Variants in PDE4D observed in about 807,000 individuals in gnomAD.
The protein encoded by PDE4D is phosphodiesterase 4D, also known as 3',5'-cyclic-AMP phosphodiesterase 4D.
PDE4D carries 24 observed loss-of-function variants against 87.4 expected under a neutral mutation model. The ratio of observed to expected loss-of-function variants is 0.27; its 90% CI spans 0.20 to 0.39. The LOEUF (loss-of-function observed/expected upper bound fraction) is 0.39, where lower values mean the gene tolerates loss of function less well. PDE4D is among the 10% of genes least tolerant of loss of function. PDE4D has a pLI of 1.00. For missense variants in PDE4D, 714 were observed against 1,041.0 expected (o/e 0.69, Z 4.32); for synonymous variants, 384 against 383.2 (o/e 1.00, Z -0.02).
At chr5:59,713,428 A>C (rs1235471434) in intron 1 of PDE4D, among the ~76,000 whole-genome samples, 1 of 152,176 alleles carries the variant, frequency 6.6e-6, no homozygotes, top group Non-Finnish European at 1.5e-5. Flanking sequence ...AAAAGGTATA[A>C]CTACCGGACT....
At chr5:60,031,050 A>G (rs868341134) in intron 2 of PDE4D, 1 of 152,234 alleles carries the variant, frequency 6.6e-6, no homozygotes, top group Non-Finnish European at 1.5e-5. Flanking sequence ...TAGATATAGA[A>G]TAATGTAGGA....
chr5:59,639,570 T>C (rs1374404558), intron 1 of PDE4D, among the ~76,000 whole-genome samples: 2 of 152,088 alleles, frequency 1.3e-5, no homozygotes, highest in Non-Finnish European at 2.9e-5. Flanking sequence ...GAGAGAAAAG[T>C]CACGGGTGGC....
rs1780612854 is a variant in PDE4D at position 60,142,407 on chromosome 5, TTAAG to T, written c.42+43146_42+43149del. On this transcript the variant is annotated intron_variant, in intron 2 of 16. Transcript: ENST00000502484. ...ATAAAAGAACAGAGGCTCAGAAAGA[TTAAG>T]TGACTCTGGGGAAATATTTTTAAAA... Among the ~76,000 whole-genome samples the T allele has an allele frequency of 2.6e-5, 4 of 152,298 alleles. No homozygotes were observed. In the South Asian group the frequency reaches 8.3e-4, roughly 32 times the overall value.
intron 2 of PDE4D, among the ~76,000 whole-genome samples, chr5:59,995,861 T>C (rs977795486): frequency 3.9e-5 from 6 of 152,148 alleles, no homozygotes; most frequent in East Asian, 1.9e-4. Flanking sequence ...ACAAAACATA[T>C]GCTAAATAAA....
intron 5 of PDE4D, among the ~76,000 whole-genome samples, chr5:59,153,542 TC>T (rs1374135806): frequency 2.0e-5 from 3 of 152,190 alleles, no homozygotes; most frequent in African/African-American, 4.8e-5. Flanking sequence ...GAAAAAGTTT[TC>T]CATGCTGGTT....
At chr5:60,504,357 A>T (rs1448525735) in intron 1 of PDE4D, among the ~76,000 whole-genome samples, 3 of 144,406 alleles carry the variant, frequency 2.1e-5, no homozygotes, top group Non-Finnish European at 4.6e-5. Flanking sequence ...AGGTCTTTTT[A>T]GGTATATATT....
intron 6 of PDE4D, among the ~76,000 whole-genome samples, chr5:59,011,312 G>A (rs974107380): frequency 6.6e-6 from 1 of 152,204 alleles, no homozygotes; most frequent in Non-Finnish European, 1.5e-5. Context: ...CAAGCTGAGA[G>A]AAGAAGGCTT....
intron 1 of PDE4D, among the ~76,000 whole-genome samples, chr5:59,312,442 G>T (rs1772881205): frequency 6.6e-6 from 1 of 152,150 alleles, no homozygotes; most frequent in African/African-American, 2.4e-5. Context: ...GCCAAAGCGG[G>T]AATATGGGCC....
intron 1 of PDE4D, among the ~76,000 whole-genome samples, chr5:60,345,735 A>G (rs1448628312): frequency 6.6e-6 from 1 of 152,082 alleles, no homozygotes; most frequent in African/African-American, 2.4e-5. Context: ...TATTATTAAT[A>G]GTATTTCTGC....
intron 2 of PDE4D, among the ~76,000 whole-genome samples, chr5:60,009,306 A>G (rs1307472760): frequency 6.6e-6 from 1 of 152,092 alleles, no homozygotes; most frequent in East Asian, 1.9e-4. Context: ...CCAGGTGATC[A>G]TCACTTTCCT....
Position 59,291,839 on chromosome 5 carries a change from G to A in PDE4D, c.456-75871C>T, listed in dbSNP as rs1016458737. Among the ~76,000 whole-genome samples the A allele has an allele frequency of 2.0e-5, 3 of 150,094 alleles. No homozygotes were observed. In the Admixed American group the frequency reaches 2.0e-4, roughly 10 times the overall value. ...TTGTATATTAATTTGTGCTCTTTTGGGGAGAAACACAGCCTATTCATTCCA... is the reference window on the plus strand; with the variant it reads ...TTGTATATTAATTTGTGCTCTTTTGAGGAGAAACACAGCCTATTCATTCCA... On this transcript the variant is annotated intron_variant, in intron 1 of 14. Coordinates refer to ENST00000340635, the MANE Select transcript of PDE4D (RefSeq NM_001104631.2).
intron 5 of PDE4D, among the ~76,000 whole-genome samples, chr5:59,137,705 T>C (rs1415381731): frequency 6.6e-6 from 1 of 152,078 alleles, no homozygotes; most frequent in Non-Finnish European, 1.5e-5. Context: ...TTTTTGTATT[T>C]TTAGTAGAGA....
intron 1 of PDE4D, among the ~76,000 whole-genome samples, chr5:59,227,318 C>T (rs1012956053): frequency 6.6e-6 from 1 of 151,918 alleles, no homozygotes; most frequent in African/African-American, 2.4e-5. Flanking sequence ...CCACTTTGAA[C>T]ATAGGAACTG....
chr5:60,382,942 A>T (rs1761964422), intron 1 of PDE4D, among the ~76,000 whole-genome samples: 1 of 152,170 alleles, frequency 6.6e-6, no homozygotes, highest in South Asian at 2.1e-4. Flanking sequence ...TTCAAAGTGT[A>T]ACATTCAAAC....
intron 3 of PDE4D, among the ~76,000 whole-genome samples, chr5:59,938,490 G>A (rs1464013865): frequency 6.6e-6 from 1 of 152,146 alleles, no homozygotes; most frequent in Admixed American, 6.5e-5. Context: ...TGACCTATAT[G>A]TCTAAAACCA....
chr5:59,570,028 T>G (rs140525449), intron 1 of PDE4D, among the ~76,000 whole-genome samples: 65 of 152,362 alleles, frequency 4.3e-4, no homozygotes, highest in Non-Finnish European at 7.9e-4. Context: ...TATCTGTGAT[T>G]ACCGTGAATG....
intron 1 of PDE4D, among the ~76,000 whole-genome samples, chr5:59,225,524 T>TA (rs1309322254): frequency 1.3e-5 from 2 of 152,272 alleles, no homozygotes; most frequent in Admixed American, 1.3e-4. Flanking sequence ...TCTATTTCTA[T>TA]AAAAAATACC....
At chr5:59,059,138 C>A (rs774691013) in intron 5 of PDE4D, among the ~76,000 whole-genome samples, 2 of 152,122 alleles carry the variant, frequency 1.3e-5, no homozygotes, top group African/African-American at 4.8e-5. Context: ...GCTTTAATTT[C>A]TTGTAATGAT....
intron 1 of PDE4D, among the ~76,000 whole-genome samples, chr5:60,470,250 G>A (rs928438329): frequency 6.6e-6 from 1 of 152,126 alleles, no homozygotes; most frequent in Non-Finnish European, 1.5e-5. Context: ...GGCTGAGAGA[G>A]GTAAGGAAGA....
Sources: gnomAD v4.1 joint callset for allele counts (sites outside exome capture counted in the v4.1 genomes callset) on GRCh38, gnomAD v4.1.1 for gene constraint, MANE v1.5 for transcripts, NCBI Gene and HGNC (gene_info 2026-07-23, HGNC 2026-07-21) for gene names.